The following PTCHD1 variants were observed in gnomAD, a reference collection of about 807,000 sequenced individuals.
PTCHD1 encodes the protein patched domain containing 1, also known as patched domain-containing protein 1.
In PTCHD1, 3 loss-of-function variants were observed where a neutral mutation model predicts 34.6. The ratio of observed to expected loss-of-function variants is 0.09; its 90% CI spans 0.04 to 0.22. The LOEUF (loss-of-function observed/expected upper bound fraction) is 0.22. Ranked by LOEUF, PTCHD1 falls within the 10% of genes least tolerant of loss-of-function variation. The pLI is 1.00. For missense variants in PTCHD1, 504 were observed against 685.5 expected, an observed-to-expected ratio of 0.74 and a Z score of 2.96; for synonymous variants, 305 against 283.1, an observed-to-expected ratio of 1.08 and a Z score of -0.77.
chrX:23,371,177 G>C (rs190573259), intron 1 of PTCHD1, among the ~76,000 whole-genome samples: 1 of 112,319 alleles, frequency 8.9e-6, no homozygotes, highest in Non-Finnish European at 1.9e-5. Flanking sequence ...ATGACTTTAT[G>C]AGGTAAGGAT....
At chrX:23,389,593 G>A in intron 2 of PTCHD1, among the ~76,000 whole-genome samples, 1 of 112,052 alleles carries the variant, frequency 8.9e-6, no homozygotes, top group Non-Finnish European at 1.9e-5. Flanking sequence ...CAGGAATGGT[G>A]GTCGGGGCCT....
chrX:23,354,126 A>G (rs892171688), intron 1 of PTCHD1, among the ~76,000 whole-genome samples: 1 of 111,519 alleles, frequency 9.0e-6, no homozygotes, highest in Admixed American at 9.6e-5. Context: ...GGGCTAGATC[A>G]GAGATTCAGG....
rs755874086 is a variant in PTCHD1, at chrX:23,358,251, T to C, written c.352-21340T>C. Among the ~76,000 whole-genome samples, 4 of 112,310 alleles carry C rather than the reference T, an allele frequency of 3.6e-5. No homozygotes were observed. The South Asian group carries it at 1.5e-3, about 42-fold the overall frequency. On this transcript the variant is annotated intron_variant, in intron 1 of 2. Transcript: ENST00000379361. ...ATCACCACACTGACTTCCACAATGA[T>C]TGAACTAGTTTACACTCCCACCAAC...
chrX:23,349,884 T>C (rs747219056), intron 1 of PTCHD1, among the ~76,000 whole-genome samples: 23 of 106,545 alleles, frequency 2.2e-4, no homozygotes, highest in Admixed American at 1.9e-3. Context: ...AGTGTAGGGG[T>C]TAAATAGGAG....
rs1002779604 is a variant in PTCHD1 at position 23,397,833 on chromosome X, G to T, written c.*3648G>T. The T allele has an allele frequency of 9.0e-6, 1 of 111,456 alleles. No homozygotes were observed. The highest frequency in any genetic ancestry group is 1.9e-5 in the Non-Finnish European group (1 of 53,142). 9.2% of individuals were successfully genotyped at this position (111,456 alleles called of 1,213,427 possible). On this transcript the variant is annotated 3_prime_UTR_variant, in exon 3 of 3. Transcript: ENST00000379361. ...TGGAATGGGCAGCTGTCTTGGGGGT[G>T]TGGCAAGAGGCAGAACCTCTTGGAC...
intron 2 of PTCHD1, among the ~76,000 whole-genome samples, chrX:23,380,723 G>A (rs1400116202): frequency 9.0e-6 from 1 of 111,359 alleles, no homozygotes; most frequent in East Asian, 2.8e-4. Context: ...CGGTTGCTGT[G>A]GGCACCTGTG....
chrX:23,358,846 A>G (rs1353683957), intron 1 of PTCHD1, among the ~76,000 whole-genome samples: 2 of 112,270 alleles, frequency 1.8e-5, no homozygotes, highest in African/African-American at 6.5e-5. Flanking sequence ...GAAGGGATCC[A>G]GTTTCAGCTT....
At chrX:23,353,544 G>A (rs192534999) in intron 1 of PTCHD1, among the ~76,000 whole-genome samples, 50 of 111,540 alleles carry the variant, frequency 4.5e-4, no homozygotes, top group South Asian at 1.5e-3. Context: ...AGCGGAGATC[G>A]CGCCACTGCA....
chrX:23,364,369 T>TAG (rs1413507586), intron 1 of PTCHD1, among the ~76,000 whole-genome samples: 10 of 74,898 alleles, frequency 1.3e-4, no homozygotes, highest in East Asian at 4.7e-4. Flanking sequence ...ATGAAGAGTG[T>TAG]AGACACACAC....
chrX:23,394,411 C>CAT lies in PTCHD1; in HGVS notation c.*227_*228insTA, dbSNP rs1922927230. 5.5e-6 allele frequency: 1 copy of CAT among 182,580 alleles called. No homozygotes were observed. The highest frequency in any genetic ancestry group is 9.0e-5 in the Admixed American group (1 of 11,139). The allele number at this position is 182,580 out of a possible 1,213,427, so 15.0% of individuals were successfully genotyped here. A position where few individuals can be genotyped will look rare whatever the true frequency, so the allele number is the denominator to read the frequency against. On this transcript the variant is annotated 3_prime_UTR_variant, in exon 3 of 3. Coordinates refer to ENST00000379361, the MANE Select transcript of PTCHD1 (RefSeq NM_173495.3). ...TTATGAGAATTCACACACACATAGA[C>CAT]ACACACACACACACACACACACACA...
At position 23,349,006 on chromosome X, in the gene PTCHD1, C is replaced by T. The variant is rs1180844407; in HGVS notation, c.351+13780C>T. 1.2e-4 allele frequency among the ~76,000 whole-genome samples: 13 copies of T among 111,669 alleles called. No homozygotes were observed. The Admixed American group carries it at 1.2e-3, about 11-fold the overall frequency. ...AGTGAAATGAATGGCAGCCATGTCA[C>T]AAGGCATGTGAGGGAGGAATTGTGA... On this transcript the variant is annotated intron_variant, in intron 1 of 2. Transcript: ENST00000379361.
intron 1 of PTCHD1, among the ~76,000 whole-genome samples, chrX:23,368,383 G>C (rs1017300166): frequency 8.9e-6 from 1 of 111,938 alleles, no homozygotes; most frequent in Admixed American, 9.5e-5. Flanking sequence ...AGATGTAAAT[G>C]ATATGCATGT....
Position 23,396,375 on chromosome X carries a change from T to C in PTCHD1, c.*2190T>C, listed in dbSNP as rs1922990361. On this transcript the variant is annotated 3_prime_UTR_variant, in exon 3 of 3. Coordinates refer to ENST00000379361, the MANE Select transcript of PTCHD1 (RefSeq NM_173495.3). ...CATAATAGATCTTCGATCAATTCTC[T>C]CTCCAAGGGGCCCGCAACTAGGCTA... is the stretch of plus-strand genomic sequence containing the variant. 8.9e-6 allele frequency: 1 copy of C among 112,090 alleles called. No individual in the cohort carries two copies. The highest frequency in any genetic ancestry group is 9.5e-5 in the Admixed American group (1 of 10,543). 9.2% of individuals were successfully genotyped at this position (112,090 alleles called of 1,213,427 possible).
In PTCHD1 at chrX:23,358,061, A is replaced by T. The variant is rs146842288; in HGVS notation, c.352-21530A>T. On this transcript the variant is annotated intron_variant, in intron 1 of 2. Transcript: ENST00000379361. Reference sequence around the variant, plus strand: ...ATTTTCTTAATCCAGTCTATCATTGATGGACATTTGGGTTGGTTCCAAGTC... The same window carrying T: ...ATTTTCTTAATCCAGTCTATCATTGTTGGACATTTGGGTTGGTTCCAAGTC... Among the ~76,000 whole-genome samples, 646 of 111,919 alleles carry T rather than the reference A, an allele frequency of 5.8e-3. 14 individuals carry two copies. The East Asian group carries it at 0.093, about 16-fold the overall frequency.
chrX:23,345,559 G>C (rs1315143244), intron 1 of PTCHD1, among the ~76,000 whole-genome samples: 1 of 112,024 alleles, frequency 8.9e-6, no homozygotes, highest in African/African-American at 3.2e-5. Flanking sequence ...ATAGGCATTG[G>C]AGAACTTGTT....
At position 23,379,603 on chromosome X, in the gene PTCHD1, G is replaced by C; in HGVS notation, c.364G>C (p.Val122Leu). The C allele has an allele frequency of 8.3e-7, 1 of 1,211,561 alleles. No homozygotes were observed. Residue 122 changes from valine to leucine, a missense_variant, in exon 2 of 3, where the codon GTC becomes CTC. Val to Leu is a conservative substitution (Grantham distance 32, BLOSUM62 1). Transcript: ENST00000379361. The part of the protein sequence containing the change: ...TDLILKLHAA[V>L]TKIQVPRPGF... ...TTTTCCCCCACAGTTGCATGCTGCT[G>C]TCACCAAGATCCAGGTTCCAAGGCC...
intron 1 of PTCHD1, among the ~76,000 whole-genome samples, chrX:23,377,302 T>C (rs1922435546): frequency 1.8e-5 from 2 of 112,497 alleles, no homozygotes; most frequent in South Asian, 7.3e-4. Flanking sequence ...CTGAATCTTT[T>C]CCCAAAGTCT....
chrX:23,375,353 G>A (rs189266078), intron 1 of PTCHD1, among the ~76,000 whole-genome samples: 3,190 of 104,434 alleles, frequency 0.031, 100 homozygotes, highest in East Asian at 0.14. Flanking sequence ...GCTGTGGCGC[G>A]ATCTCCGCTC....
intron 2 of PTCHD1, among the ~76,000 whole-genome samples, chrX:23,385,118 A>G (rs760335507): frequency 2.7e-5 from 3 of 111,476 alleles, no homozygotes; most frequent in Non-Finnish European, 5.6e-5. Context: ...CAGTATTTCC[A>G]AAGTTTGTCT....
Sources: gnomAD v4.1 joint callset for allele counts (sites outside exome capture counted in the v4.1 genomes callset) on GRCh38, gnomAD v4.1.1 for gene constraint, MANE v1.5 for transcripts, NCBI Gene and HGNC (gene_info 2026-07-23, HGNC 2026-07-21) for gene names.